LSM8: variants seen among roughly 807,000 people sequenced by gnomAD.
LSM8 encodes the protein LSM8 U6 small nuclear RNA associated.
Under a neutral mutation model 15.0 loss-of-function variants are expected in LSM8, and 14 were observed. That is an observed-to-expected ratio of 0.93 (90% CI 0.62 to 1.46). The LOEUF is 1.46. Ranked by LOEUF, LSM8 falls within the 40% of genes most tolerant of loss-of-function variation. The pLI, the probability that LSM8 is intolerant of heterozygous loss-of-function variation, is 0.00. For synonymous variants in LSM8, 50 were observed against 42.1 expected, an observed-to-expected ratio of 1.19 and a Z score of -0.73; for missense variants, 90 against 115.4, an observed-to-expected ratio of 0.78 and a Z score of 1.01.
rs149890002 is a variant in LSM8 at position 118,186,169 on chromosome 7, A to C, written c.72+475A>C. 5.8e-3 allele frequency among the ~76,000 whole-genome samples: 873 copies of C among 151,470 alleles called. 10 individuals carry two copies. The highest frequency in any genetic ancestry group is 0.02 in the African/African-American group (829 of 41,384). ...GACACATTATGATGATTGACTCTCT[A>C]TATATACACATATATATGTAAAATT... On this transcript the variant is annotated intron_variant, in intron 2 of 3. Transcript: ENST00000249299.
At chr7:118,188,619 T>C in intron 3 of LSM8, 1 of 369,080 alleles carries the variant, frequency 2.7e-6, no homozygotes, top group Non-Finnish European at 4.7e-6. Flanking sequence ...ACCAAAGCTG[T>C]CTCTCTACAA....
Position 118,185,465 on chromosome 7 carries a change from C to G in LSM8, c.32-189C>G, listed in dbSNP as rs1808870839. The stretch of plus-strand genomic sequence containing the variant: ...ATCGCTGTGTTGCCCAAGCTGGTCT[C>G]ACCTCAAGTGATCCTCCTGCCTTGG... On this transcript the variant is annotated intron_variant, in intron 1 of 3. Transcript: ENST00000249299. 1.2e-5 allele frequency: 7 copies of G among 575,074 alleles called. No homozygotes were observed. The South Asian group carries it at 1.5e-4, about 12-fold the overall frequency. 35.6% of individuals were successfully genotyped at this position (575,074 alleles called of 1,614,324 possible).
rs1027029870 is a variant in LSM8, at chr7:118,192,532, G to A, written c.*530G>A. The A allele has an allele frequency of 1.3e-5, 2 of 152,066 alleles. No individual in the cohort carries two copies. The highest frequency in any genetic ancestry group is 2.9e-5 in the Non-Finnish European group (2 of 67,984). The allele number at this position is 152,066 out of a possible 1,614,324, so 9.4% of individuals were successfully genotyped here. On this transcript the variant is annotated 3_prime_UTR_variant, in exon 4 of 4. Coordinates refer to ENST00000249299, the MANE Select transcript of LSM8 (RefSeq NM_016200.5). Reference sequence around the variant, plus strand: ...TGGGTAGGTAAAAATGTGTTTGCTTGAGAAAAGCAAAAATGCTAACAAGGT... The same window carrying A: ...TGGGTAGGTAAAAATGTGTTTGCTTAAGAAAAGCAAAAATGCTAACAAGGT...
intron 1 of LSM8, 81 bp downstream of exon 1, chr7:118,184,335 C>A (rs1001857001): frequency 4.2e-5 from 58 of 1,381,194 alleles, no homozygotes; most frequent in Non-Finnish European, 5.3e-5. Flanking sequence ...GGTTGGGAGG[C>A]CTGGCCTCGG....
intron 3 of LSM8, chr7:118,191,650 A>T (rs192598224): frequency 2.2e-5 from 7 of 324,248 alleles, no homozygotes; most frequent in Non-Finnish European, 2.8e-5. Flanking sequence ...TCATGATACA[A>T]TCACTGTGTA....
rs370661837 is a variant in LSM8, at chr7:118,184,181, T to A, written c.-43T>A. The A allele has an allele frequency of 2.6e-6, 4 of 1,544,676 alleles. No individual in the cohort carries two copies. The highest frequency in any genetic ancestry group is 4.0e-5 in the Admixed American group (2 of 50,574). On this transcript the variant is annotated 5_prime_UTR_variant, in exon 1 of 4. Transcript: ENST00000249299. ...GGCGCGCCCTTTCAGTTCTGCTTGC[T>A]GTCGGCACCGCTGCGTTACCCGGAA...
intron 2 of LSM8, 30 bp from the exon 3 acceptor site, chr7:118,188,248 C>A (rs1360061906): frequency 1.9e-6 from 3 of 1,608,382 alleles, no homozygotes; most frequent in East Asian, 2.2e-5. Context: ...CAGAATATTT[C>A]TCTTTTTCTC....
At chr7:118,187,146 T>A (rs567884503) in intron 2 of LSM8, among the ~76,000 whole-genome samples, 11 of 152,356 alleles carry the variant, frequency 7.2e-5, no homozygotes, top group Admixed American at 6.5e-4. Flanking sequence ...AAATACTCCA[T>A]ATTTTGTTTC....
At chr7:118,191,539 A>G (rs1202692330) in intron 3 of LSM8, 1 of 156,196 alleles carries the variant, frequency 6.4e-6, no homozygotes, top group Admixed American at 6.4e-5. Context: ...ATTTTGTGAA[A>G]TTTATTTTTA....
In LSM8 at chr7:118,197,607, A is replaced by T. The variant is rs979651; in HGVS notation, c.*5605A>T. The stretch of plus-strand genomic sequence containing the variant: ...AGTTAAATTTTTTATTTTAAAATTT[A>T]AATTTTTATTTTAAAAAATAGCTCT... On this transcript the variant is annotated 3_prime_UTR_variant, in exon 4 of 4. Coordinates refer to ENST00000249299, the MANE Select transcript of LSM8 (RefSeq NM_016200.5). Among the ~76,000 whole-genome samples the T allele has an allele frequency of 0.069, 10,440 of 152,074 alleles. 387 individuals carry two copies. Among genetic ancestry groups the T allele is most frequent in the East Asian group, 0.11 (567 of 5,184 alleles).
At chr7:118,186,241 A>G (rs928138594) in intron 2 of LSM8, among the ~76,000 whole-genome samples, 1 of 152,176 alleles carries the variant, frequency 6.6e-6, no homozygotes, top group African/African-American at 2.4e-5. Context: ...TATGTCATAT[A>G]ACTAAGATAA....
rs765338173 is a variant in LSM8, at chr7:118,191,896, ACT to A, written c.201-13_201-12del. 65 of 1,580,890 alleles carry A rather than the reference ACT, an allele frequency of 4.1e-5. No homozygotes were observed. Among genetic ancestry groups the A allele is most frequent in the Non-Finnish European group, 5.3e-5 (61 of 1,153,124 alleles). ...TTATTTCAGAAATGTGATTGTTTTA[ACT>A]CTGACTTTTTTAGTGCAGTCATTGG... is the stretch of plus-strand genomic sequence containing the variant. On this transcript the variant is annotated splice_polypyrimidine_tract_variant and intron_variant, in intron 3 of 3. Coordinates refer to ENST00000249299, the MANE Select transcript of LSM8 (RefSeq NM_016200.5).
At position 118,195,295 on chromosome 7, in the gene LSM8, A is replaced by G. The variant is rs1809061096; in HGVS notation, c.*3293A>G. 6.6e-6 allele frequency among the ~76,000 whole-genome samples: 1 copy of G among 152,204 alleles called. No homozygotes were observed. Among genetic ancestry groups the G allele is most frequent in the South Asian group, 2.1e-4 (1 of 4,832 alleles). ...CCACAGAATTGATTTCAAACACAGGATCTTATTCAAGATAAGGATAATAAC... is the reference window on the plus strand; with the variant it reads ...CCACAGAATTGATTTCAAACACAGGGTCTTATTCAAGATAAGGATAATAAC... On this transcript the variant is annotated 3_prime_UTR_variant, in exon 4 of 4. Transcript: ENST00000249299.
In LSM8 at chr7:118,191,963, G is replaced by C. The variant is rs41281096; in HGVS notation, c.252G>C (p.Gly84=). 1 of 1,613,012 alleles carries C rather than the reference G, an allele frequency of 6.2e-7. No individual in the cohort carries two copies. The highest frequency in any genetic ancestry group is 8.5e-7 in the Non-Finnish European group (1 of 1,179,426). ...AAACAGATTCTGCGCTTGATTTGGG[G>C]AATATTCGAGCAGAACCTTTAAATT... The part of the protein sequence containing the change: ...DEETDSALDL[G]NIRAEPLNSV... The change falls in exon 4 of 4, where the codon GGG becomes GGC. Residue 84 remains glycine, a synonymous_variant. Transcript: ENST00000249299.
At chr7:118,187,316 T>C (rs1019628303) in intron 2 of LSM8, among the ~76,000 whole-genome samples, 1 of 152,252 alleles carries the variant, frequency 6.6e-6, no homozygotes, top group African/African-American at 2.4e-5. Context: ...GAAACTTGAA[T>C]ACCATGTGAG....
chr7:118,187,082 CAAG>C (rs1292267250), intron 2 of LSM8, among the ~76,000 whole-genome samples: 1 of 152,126 alleles, frequency 6.6e-6, no homozygotes, highest in Non-Finnish European at 1.5e-5. Context: ...AAAATGAAGT[CAAG>C]AAGTTATGAA....
rs559485179 is a variant in LSM8, at chr7:118,202,897, A to T, written c.*10895A>T. Among the ~76,000 whole-genome samples the T allele has an allele frequency of 6.6e-6, 1 of 151,964 alleles. No homozygotes were observed. Among genetic ancestry groups the T allele is most frequent in the Non-Finnish European group, 1.5e-5 (1 of 67,922 alleles). ...TTAATAAATTCCCCAGGTGAGTCAT[A>T]TGCACATTAAAGTTTGAGAAGCACT... On this transcript the variant is annotated 3_prime_UTR_variant, in exon 4 of 4. Transcript: ENST00000249299.
At chr7:118,184,456 C>T (rs936783904) in intron 1 of LSM8, 186 of 503,188 alleles carry the variant, frequency 3.7e-4, no homozygotes, top group African/African-American at 3.2e-3. Flanking sequence ...TTCCATTTTG[C>T]CTGCAAAACC....
rs1809174919 is a variant in LSM8 at position 118,201,628 on chromosome 7, A to G, written c.*9626A>G. On this transcript the variant is annotated 3_prime_UTR_variant, in exon 4 of 4. Transcript: ENST00000249299. Reference sequence around the variant, plus strand: ...TGTCTATATCATAGTAAAGTTTTAAACCTACATAATTTTCAATATTTATAC... The same window carrying G: ...TGTCTATATCATAGTAAAGTTTTAAGCCTACATAATTTTCAATATTTATAC... 6.6e-6 allele frequency among the ~76,000 whole-genome samples: 1 copy of G among 152,124 alleles called. No homozygotes were observed. The highest frequency in any genetic ancestry group is 2.4e-5 in the African/African-American group (1 of 41,452).
Sources: allele counts gnomAD v4.1 joint callset (sites outside exome capture counted in the v4.1 genomes callset), GRCh38; gene constraint gnomAD v4.1.1; transcripts MANE v1.5; gene names NCBI Gene and HGNC (gene_info 2026-07-23, HGNC 2026-07-21).